TRIM5: variants seen among roughly 807,000 people sequenced by gnomAD.
TRIM5 encodes the protein tripartite motif-containing protein 5.
In TRIM5, 31 loss-of-function variants were observed where a neutral mutation model predicts 35.6. That is an observed-to-expected ratio of 0.87 (90% CI 0.65 to 1.18). The LOEUF (loss-of-function observed/expected upper bound fraction) is 1.18, where lower values mean the gene tolerates loss of function less well. TRIM5 is among the 50% of genes most tolerant of loss of function. TRIM5 has a pLI of 0.00. For synonymous variants in TRIM5, 243 were observed against 215.6 expected (o/e 1.13, Z -1.11); for missense variants, 609 against 591.6 (o/e 1.03, Z -0.31).
chr11:5,683,119 C>A (rs551170224), intron 1 of TRIM5, among the ~76,000 whole-genome samples: 1 of 152,226 alleles, frequency 6.6e-6, no homozygotes, highest in East Asian at 1.9e-4. Context: ...AATTTCTCGC[C>A]GGGCCTTAGC....
At chr11:5,632,306 C>T in the TRIM5 span, 2 of 1,613,836 alleles carry the variant, frequency 1.2e-6, no homozygotes, top group East Asian at 2.2e-5. Context: ...GGAGTTAGGA[C>T]CAGAAGAAGC....
At chr11:5,658,233 G>A (rs1325576352), downstream of TRIM5, among the ~76,000 whole-genome samples, 1 of 152,214 alleles carries the variant, frequency 6.6e-6, no homozygotes, top group Non-Finnish European at 1.5e-5. Context: ...GCACATGCTG[G>A]AAGGCCAGCG....
At chr11:5,678,490 G>C in intron 3 of TRIM5, 56 bp from the exon 4 acceptor site, 1 of 1,392,010 alleles carries the variant, frequency 7.2e-7, no homozygotes, top group Non-Finnish European at 9.7e-7. Context: ...GAGGCTGTTA[G>C]CCAGAAAAGG....
the TRIM5 span, among the ~76,000 whole-genome samples, chr11:5,628,901 A>G: frequency 1.2e-4 from 18 of 151,698 alleles, no homozygotes; most frequent in Admixed American, 8.6e-4. Flanking sequence ...TCTTTGGCTT[A>G]TATCTGTGCT....
chr11:5,605,562 CT>C, the TRIM5 span: 1 of 1,611,318 alleles, frequency 6.2e-7, no homozygotes, highest in Admixed American at 1.7e-5. Context: ...AATGGAGCTG[CT>C]GCAGGTAAGG....
At chr11:5,611,479 A>C in the TRIM5 span, 1 of 798,560 alleles carries the variant, frequency 1.3e-6, no homozygotes, top group African/African-American at 1.7e-5. Flanking sequence ...TTTGAGATGG[A>C]ATCTCGCTCT....
At chr11:5,604,490 A>G in the TRIM5 span, 1 of 1,587,022 alleles carries the variant, frequency 6.3e-7, no homozygotes, top group Non-Finnish European at 8.6e-7. Flanking sequence ...GTACTGAGTC[A>G]ACTGAAGGCT....
At chr11:5,633,802 A>T in the TRIM5 span, 2 of 1,613,326 alleles carry the variant, frequency 1.2e-6, no homozygotes, top group Non-Finnish European at 1.7e-6. Context: ...CCCTTCTCAT[A>T]GGAGAAACTC....
At chr11:5,651,290 C>T in the TRIM5 span, among the ~76,000 whole-genome samples, 1 of 152,162 alleles carries the variant, frequency 6.6e-6, no homozygotes, top group Non-Finnish European at 1.5e-5. Context: ...GTGCAGATTT[C>T]TTATATAAGT....
At chr11:5,632,296 G>T in the TRIM5 span, 1 of 1,613,762 alleles carries the variant, frequency 6.2e-7, no homozygotes, top group Non-Finnish European at 8.5e-7. Context: ...GAGAGCCTCA[G>T]GAGTTAGGAC....
chr11:5,670,308 G>C (rs1469943136), intron 4 of TRIM5, among the ~76,000 whole-genome samples: 1 of 149,920 alleles, frequency 6.7e-6, no homozygotes, highest in East Asian at 2.0e-4. Flanking sequence ...CTCCCGAGTA[G>C]CTGGGACTAC....
At chr11:5,614,148 T>C in the TRIM5 span, among the ~76,000 whole-genome samples, 1 of 152,190 alleles carries the variant, frequency 6.6e-6, no homozygotes, top group African/African-American at 2.4e-5. Flanking sequence ...TAGGCTCAAC[T>C]ACTATGAAAA....
intron 5 of TRIM5, among the ~76,000 whole-genome samples, chr11:5,667,229 CAG>C (rs1851208793): frequency 6.6e-6 from 1 of 152,008 alleles, no homozygotes; most frequent in Admixed American, 6.6e-5. Context: ...TTTTCTAAGA[CAG>C]AGTCTCACTT....
At position 5,664,865 on chromosome 11, in the gene TRIM5, A is replaced by G. The variant is rs1174883852; in HGVS notation, c.1426T>C (p.Tyr476His). 5.6e-6 allele frequency: 9 copies of G among 1,612,920 alleles called. No homozygotes were observed. Among genetic ancestry groups the G allele is most frequent in the Non-Finnish European group, 7.6e-6 (9 of 1,179,638 alleles). ...ACTCCACATTTTCTAGGATTTAAAT[A>G]TGGAAATACAGGCTGAGAAAAAGAA... ...HCSFSQPVFP[Y>H]LNPRKCGVPM... Residue 476 changes from tyrosine to histidine, a missense_variant, in exon 8 of 8, where the codon TAT becomes CAT. Coordinates refer to ENST00000380034, the MANE Select transcript of TRIM5 (RefSeq NM_033034.3).
At chr11:5,632,722 G>C in the TRIM5 span, 2 of 1,610,018 alleles carry the variant, frequency 1.2e-6, no homozygotes, top group East Asian at 2.2e-5. Flanking sequence ...TCACCACACA[G>C]TCCTCACGGA....
chr11:5,656,355 CTT>C, the TRIM5 span, among the ~76,000 whole-genome samples: 47 of 142,858 alleles, frequency 3.3e-4, no homozygotes, highest in Middle Eastern at 3.6e-3. Flanking sequence ...TGAACAGACA[CTT>C]TTTTTTTTTT....
the TRIM5 span, among the ~76,000 whole-genome samples, chr11:5,593,368 G>C: frequency 6.6e-6 from 1 of 152,070 alleles, no homozygotes; most frequent in African/African-American, 2.4e-5. Flanking sequence ...CTGACAACAG[G>C]AATCATCTAA....
At chr11:5,633,624 T>A in the TRIM5 span, among the ~76,000 whole-genome samples, 1 of 152,206 alleles carries the variant, frequency 6.6e-6, no homozygotes, top group East Asian at 1.9e-4. Context: ...TTCATCACAA[T>A]GAATGAACAA....
chr11:5,617,010 T>TAC, the TRIM5 span, among the ~76,000 whole-genome samples: 2 of 140,286 alleles, frequency 1.4e-5, 1 homozygote, highest in East Asian at 4.6e-4. Context: ...GTGCTGGGAT[T>TAC]ACAGGCATAA....
Sources: allele counts gnomAD v4.1 joint callset (sites outside exome capture counted in the v4.1 genomes callset), GRCh38; gene constraint gnomAD v4.1.1; transcripts MANE v1.5; gene names NCBI Gene and HGNC (gene_info 2026-07-23, HGNC 2026-07-21).